SEMA3D: variants seen among roughly 807,000 people sequenced by gnomAD.
SEMA3D encodes semaphorin-3D.
In SEMA3D, 84 loss-of-function variants were observed where a neutral mutation model predicts 100.1. The observed-to-expected ratio is 0.84, with a 90% CI of 0.70 to 1.01. SEMA3D has a LOEUF of 1.01. Among genes scored for constraint, SEMA3D ranks in the 50% least tolerant of loss-of-function variants. The pLI is 0.00. For synonymous variants in SEMA3D, 312 were observed against 320.7 expected, an observed-to-expected ratio of 0.97 and a Z score of 0.29; for missense variants, 875 against 934.1, an observed-to-expected ratio of 0.94 and a Z score of 0.82.
intron 11 of SEMA3D, among the ~76,000 whole-genome samples, chr7:85,040,036 G>C (rs1334511510): frequency 6.8e-6 from 1 of 146,332 alleles, no homozygotes; most frequent in Non-Finnish European, 1.5e-5. Context: ...GAGTGCAGTG[G>C]TACCATCATG....
At chr7:85,149,171 G>A (rs2372672) in intron 2 of SEMA3D, among the ~76,000 whole-genome samples, 64,326 of 151,762 alleles carry the variant, frequency 0.42, 14,376 homozygotes, top group East Asian at 0.7. Flanking sequence ...TTGGCCAGGC[G>A]TGGTGGCTCA....
At chr7:85,066,342 G>A (rs1338585225) in intron 7 of SEMA3D, among the ~76,000 whole-genome samples, 1 of 151,802 alleles carries the variant, frequency 6.6e-6, no homozygotes, top group Non-Finnish European at 1.5e-5. Flanking sequence ...GGAAGTAAGA[G>A]GAAGAGGGGG....
At chr7:85,113,559 T>C (rs781704895) in intron 3 of SEMA3D, among the ~76,000 whole-genome samples, 6 of 143,442 alleles carry the variant, frequency 4.2e-5, no homozygotes, top group Non-Finnish European at 7.6e-5. Context: ...GATCACGAGA[T>C]CAAGAGATGG....
intron 4 of SEMA3D, among the ~76,000 whole-genome samples, chr7:85,084,807 C>A (rs1320466560): frequency 6.6e-6 from 1 of 152,130 alleles, no homozygotes; most frequent in Admixed American, 6.5e-5. Flanking sequence ...GTTCCCCTCT[C>A]TATATATCCA....
At chr7:85,107,775 T>G (rs1399985630) in intron 3 of SEMA3D, among the ~76,000 whole-genome samples, 6 of 152,038 alleles carry the variant, frequency 3.9e-5, no homozygotes, top group Non-Finnish European at 7.4e-5. Context: ...TCACACAACA[T>G]CCAGCTAAAT....
chr7:85,028,858 C>G, intron 12 of SEMA3D: 1 of 239,034 alleles, frequency 4.2e-6, no homozygotes, highest in South Asian at 6.6e-5. Flanking sequence ...AATTGTATCC[C>G]CAAGATTTAG....
intron 3 of SEMA3D, among the ~76,000 whole-genome samples, chr7:85,121,116 C>T (rs1024965339): frequency 2.0e-5 from 3 of 152,100 alleles, no homozygotes; most frequent in Non-Finnish European, 4.4e-5. Context: ...GCCCGGAGTA[C>T]ATCAAAAAGG....
the SEMA3D span, among the ~76,000 whole-genome samples, chr7:85,212,316 T>A: frequency 1.3e-5 from 2 of 152,162 alleles, no homozygotes; most frequent in East Asian, 1.9e-4. Flanking sequence ...CTTTCCTAGA[T>A]TTTGTTACCT....
intron 1 of SEMA3D, chr7:85,167,469 A>G (rs746610833): frequency 4.1e-5 from 30 of 723,340 alleles, no homozygotes; most frequent in Non-Finnish European, 5.1e-5. Context: ...TTGGACGTCT[A>G]TTTGTGGTAG....
chr7:85,083,766 GA>G (rs780109804), intron 4 of SEMA3D, among the ~76,000 whole-genome samples: 80 of 149,824 alleles, frequency 5.3e-4, no homozygotes, highest in Non-Finnish European at 9.8e-4. Context: ...AGAATGGCGT[GA>G]ACCCGGGAGG....
chr7:85,055,726 T>C lies in SEMA3D; in HGVS notation c.852A>G (p.Arg284=), dbSNP rs753219807. The C allele has an allele frequency of 7.0e-7, 1 of 1,419,496 alleles. No homozygotes were observed. Among genetic ancestry groups the C allele is most frequent in the Non-Finnish European group, 9.6e-7 (1 of 1,043,904 alleles). 87.9% of individuals were successfully genotyped at this position (1,419,496 alleles called of 1,614,324 possible). The change falls in exon 9 of 19, where the codon AGA becomes AGG. Residue 284 remains arginine, a synonymous_variant. Coordinates refer to ENST00000284136, the MANE Select transcript of SEMA3D (RefSeq NM_001384900.1). Reference sequence around the variant, plus strand: ...TATAAATATATCTTGCCTTACAAACTCTTCCAACTCGAGAAAGGATGGTTT... The same window carrying C: ...TATAAATATATCTTGCCTTACAAACCCTTCCAACTCGAGAAAGGATGGTTT... ...SDKTILSRVG[R]VCKNDVGGQR...
intron 2 of SEMA3D, among the ~76,000 whole-genome samples, chr7:85,138,769 C>T (rs1270060867): frequency 1.3e-5 from 2 of 151,136 alleles, no homozygotes; most frequent in South Asian, 2.1e-4. Flanking sequence ...ACCATCAACC[C>T]GTCATCTACA....
chr7:85,179,834 T>C (rs993437016), intron 1 of SEMA3D, among the ~76,000 whole-genome samples: 1 of 152,088 alleles, frequency 6.6e-6, no homozygotes, highest in Non-Finnish European at 1.5e-5. Flanking sequence ...GCTAATTTTT[T>C]GTATTTTTAG....
At chr7:85,249,914 C>G in the SEMA3D span, among the ~76,000 whole-genome samples, 3 of 152,238 alleles carry the variant, frequency 2.0e-5, no homozygotes, top group African/African-American at 7.2e-5. Flanking sequence ...CCAGCGTGAG[C>G]GACGCAGAAG....
intron 1 of SEMA3D, among the ~76,000 whole-genome samples, chr7:85,168,061 T>C (rs1327174618): frequency 1.3e-5 from 2 of 151,884 alleles, no homozygotes; most frequent in Non-Finnish European, 2.9e-5. Flanking sequence ...GGGGTGTATA[T>C]AATAATTGAA....
the SEMA3D span, among the ~76,000 whole-genome samples, chr7:85,196,224 T>C: frequency 6.6e-6 from 1 of 152,020 alleles, no homozygotes; most frequent in South Asian, 2.1e-4. Flanking sequence ...TCAAGGAAAA[T>C]TGGAGACCCG....
At chr7:85,180,485 G>T (rs896198555) in intron 1 of SEMA3D, among the ~76,000 whole-genome samples, 3 of 152,038 alleles carry the variant, frequency 2.0e-5, no homozygotes, top group Non-Finnish European at 4.4e-5. Context: ...CCAGAGAATG[G>T]TTCACTATTA....
At chr7:85,040,973 G>A in intron 10 of SEMA3D, 2 of 281,026 alleles carry the variant, frequency 7.1e-6, no homozygotes, top group Non-Finnish European at 6.5e-6. Flanking sequence ...TGATTTCATA[G>A]AAAATATAAA....
intron 16 of SEMA3D, among the ~76,000 whole-genome samples, chr7:85,014,345 C>T (rs1283035548): frequency 1.3e-5 from 2 of 151,752 alleles, no homozygotes; most frequent in Non-Finnish European, 2.9e-5. Context: ...TAGCATCAGG[C>T]ATATCGATGG....
Sources: gnomAD v4.1 joint callset for allele counts (sites outside exome capture counted in the v4.1 genomes callset) on GRCh38, gnomAD v4.1.1 for gene constraint, MANE v1.5 for transcripts, NCBI Gene and HGNC (gene_info 2026-07-23, HGNC 2026-07-21) for gene names.